COG5: variants seen among roughly 807,000 people sequenced by gnomAD.
The protein encoded by COG5 is component of oligomeric golgi complex 5.
COG5 carries 86 observed loss-of-function variants against 110.4 expected under a neutral mutation model. That is an observed-to-expected ratio of 0.78 (90% CI 0.65 to 0.93). The LOEUF (loss-of-function observed/expected upper bound fraction) is 0.93, where lower values mean the gene tolerates loss of function less well. COG5 is among the 40% of genes least tolerant of loss of function. The pLI is 0.00. For missense variants in COG5, 1,077 were observed against 987.0 expected (o/e 1.09, Z -1.22); for synonymous variants, 360 against 334.6 (o/e 1.08, Z -0.83).
chr7:107,549,550 C>A lies in COG5; in HGVS notation c.293-1218G>T, dbSNP rs1343480733. ...GGGATTACAGGCGCCCACCACCACG[C>A]CCAGCTAATTTTTTTTTTTTTTTTT... On this transcript the variant is annotated intron_variant, in intron 3 of 21. Coordinates refer to ENST00000297135, the MANE Select transcript of COG5 (RefSeq NM_006348.5). Among the ~76,000 whole-genome samples, 4 of 148,434 alleles carry A rather than the reference C, an allele frequency of 2.7e-5. No homozygotes were observed. The East Asian group carries it at 8.0e-4, about 30-fold the overall frequency.
chr7:107,249,045 A>T (rs1309070085), intron 16 of COG5, among the ~76,000 whole-genome samples: 1 of 152,128 alleles, frequency 6.6e-6, no homozygotes, highest in Non-Finnish European at 1.5e-5. Context: ...CCAGGCACTA[A>T]GCCTAGTACC....
At chr7:107,563,324 G>T (rs1468981261) in intron 1 of COG5, among the ~76,000 whole-genome samples, 1 of 152,062 alleles carries the variant, frequency 6.6e-6, no homozygotes, top group Admixed American at 6.5e-5. Context: ...GCCTGTAAGA[G>T]GGGTCACCTG....
chr7:107,432,006 C>T (rs1354145535), intron 6 of COG5, among the ~76,000 whole-genome samples: 1 of 151,906 alleles, frequency 6.6e-6, no homozygotes, highest in African/African-American at 2.4e-5. Flanking sequence ...TAAAGAACTG[C>T]TATTTTAAAC....
chr7:107,233,036 G>C (rs1396744507), intron 18 of COG5, among the ~76,000 whole-genome samples: 2 of 152,112 alleles, frequency 1.3e-5, no homozygotes, highest in Non-Finnish European at 2.9e-5. Flanking sequence ...TGATTGTCTT[G>C]TTTTCTTTTC....
intron 5 of COG5, among the ~76,000 whole-genome samples, chr7:107,547,393 G>A (rs1215817000): frequency 6.6e-6 from 1 of 151,990 alleles, no homozygotes; most frequent in Non-Finnish European, 1.5e-5. Flanking sequence ...GGCCATATAC[G>A]ACCAGCCCAC....
At chr7:107,309,551 C>A (rs1454644466) in intron 11 of COG5, among the ~76,000 whole-genome samples, 2 of 152,066 alleles carry the variant, frequency 1.3e-5, no homozygotes, top group African/African-American at 2.4e-5. Context: ...CCATCAATAT[C>A]TTGATTACTG....
chr7:107,506,363 G>C (rs1798999688), intron 6 of COG5, among the ~76,000 whole-genome samples: 2 of 152,186 alleles, frequency 1.3e-5, no homozygotes, highest in Non-Finnish European at 2.9e-5. Flanking sequence ...TCTGTCCTTT[G>C]TGTTAAACTA....
intron 6 of COG5, among the ~76,000 whole-genome samples, chr7:107,500,546 T>C (rs967648447): frequency 6.6e-6 from 1 of 152,184 alleles, no homozygotes; most frequent in Non-Finnish European, 1.5e-5. Flanking sequence ...ATAAACTGAT[T>C]GGATTTTAGA....
At chr7:107,267,405 T>C (rs1014132419) in intron 14 of COG5, among the ~76,000 whole-genome samples, 10 of 152,356 alleles carry the variant, frequency 6.6e-5, no homozygotes, top group Middle Eastern at 6.8e-3. Flanking sequence ...AATTTCTATC[T>C]ACCCATGACC....
chr7:107,294,930 T>TATAC (rs1321925360), intron 12 of COG5, among the ~76,000 whole-genome samples: 9 of 100,982 alleles, frequency 8.9e-5, no homozygotes, highest in African/African-American at 3.2e-4. Context: ...TGTGTATATA[T>TATAC]ACACACACAC....
At chr7:107,446,341 T>G (rs898734983) in intron 6 of COG5, among the ~76,000 whole-genome samples, 3 of 152,176 alleles carry the variant, frequency 2.0e-5, no homozygotes, top group African/African-American at 7.2e-5. Context: ...ATAACTTGCT[T>G]AAAATTACAC....
intron 12 of COG5, among the ~76,000 whole-genome samples, chr7:107,297,266 T>A: frequency 6.6e-6 from 1 of 152,100 alleles, no homozygotes; most frequent in East Asian, 1.9e-4. Context: ...CTCTAAGCAA[T>A]ATAGTATAAT....
chr7:107,442,202 G>A (rs1218000039), intron 6 of COG5, among the ~76,000 whole-genome samples: 1 of 152,130 alleles, frequency 6.6e-6, no homozygotes, highest in Non-Finnish European at 1.5e-5. Flanking sequence ...TTAAAAGTGT[G>A]CAGCACTTTC....
chr7:107,280,856 C>T lies in COG5; in HGVS notation c.1575+444G>A, dbSNP rs186320792. 2.6e-5 allele frequency among the ~76,000 whole-genome samples: 4 copies of T among 152,036 alleles called. No individual in the cohort carries two copies. In the East Asian group the frequency reaches 5.8e-4, roughly 22 times the overall value. On this transcript the variant is annotated intron_variant, in intron 14 of 21. Coordinates refer to ENST00000297135, the MANE Select transcript of COG5 (RefSeq NM_006348.5). The stretch of plus-strand genomic sequence containing the variant: ...TAAACATTTTTCTACTAAAATTTTA[C>T]GTACTTTACTTCCTCCAACAGTTTT...
chr7:107,305,804 C>A (rs191577077), intron 11 of COG5, among the ~76,000 whole-genome samples: 4 of 151,856 alleles, frequency 2.6e-5, no homozygotes, highest in African/African-American at 7.3e-5. Context: ...CTGCTTGTAT[C>A]GTCAAAATGT....
chr7:107,222,401 T>A (rs936448747), intron 19 of COG5, among the ~76,000 whole-genome samples: 3 of 152,170 alleles, frequency 2.0e-5, no homozygotes, highest in Non-Finnish European at 4.4e-5. Context: ...AGACAGGATT[T>A]CACTATGCTG....
chr7:107,238,808 G>A (rs138559979), intron 17 of COG5, among the ~76,000 whole-genome samples: 1 of 152,262 alleles, frequency 6.6e-6, no homozygotes, highest in Non-Finnish European at 1.5e-5. Context: ...TTTGAGAAAT[G>A]TCTGTTCAGG....
intron 12 of COG5, among the ~76,000 whole-genome samples, chr7:107,291,601 C>T (rs1047698136): frequency 2.0e-5 from 3 of 152,108 alleles, no homozygotes; most frequent in Admixed American, 2.0e-4. Flanking sequence ...GCAGGATTAT[C>T]TTCCTCATTT....
Sources: gnomAD v4.1 joint callset for allele counts (sites outside exome capture counted in the v4.1 genomes callset) on GRCh38, gnomAD v4.1.1 for gene constraint, MANE v1.5 for transcripts, NCBI Gene and HGNC (gene_info 2026-07-23, HGNC 2026-07-21) for gene names.